Variants in NTM observed in about 807,000 individuals in gnomAD.
The protein encoded by NTM is neurotrimin, also known as IgLON family member 2.
A neutral mutation model predicts 42.1 loss-of-function variants in NTM; 13 were observed. That is an observed-to-expected ratio of 0.31 (90% CI 0.20 to 0.49). The LOEUF (loss-of-function observed/expected upper bound fraction) is 0.49, where lower values mean the gene tolerates loss of function less well. NTM is among the 20% of genes least tolerant of loss of function. The pLI is 0.99. For missense variants in NTM, 373 were observed against 452.8 expected (o/e 0.82, Z 1.60); for synonymous variants, 187 against 179.2 (o/e 1.04, Z -0.35).
chr11:131,903,554 GTT>G (rs2053457391), intron 1 of NTM, among the ~76,000 whole-genome samples: 1 of 152,194 alleles, frequency 6.6e-6, no homozygotes, highest in African/African-American at 2.4e-5. Flanking sequence ...TTGTACAACA[GTT>G]TTCAACATTC....
At chr11:132,134,721 A>C (rs1251635131) in intron 2 of NTM, among the ~76,000 whole-genome samples, 6 of 53,344 alleles carry the variant, frequency 1.1e-4, no homozygotes, top group African/African-American at 4.5e-4. Context: ...ATATATATAT[A>C]TATATATATA....
intron 1 of NTM, among the ~76,000 whole-genome samples, chr11:131,727,238 A>C (rs1450378407): frequency 6.9e-6 from 1 of 145,088 alleles, no homozygotes; most frequent in Non-Finnish European, 1.5e-5. Flanking sequence ...AAAAGCAACA[A>C]GTTTATATAG....
chr11:132,247,558 A>G (rs2139323232), intron 4 of NTM, among the ~76,000 whole-genome samples: 1 of 152,330 alleles, frequency 6.6e-6, no homozygotes, highest in Middle Eastern at 3.4e-3. Flanking sequence ...AAAAACATAT[A>G]ATGAAGTGCA....
At chr11:131,990,306 G>A (rs2066797691) in intron 2 of NTM, among the ~76,000 whole-genome samples, 1 of 152,126 alleles carries the variant, frequency 6.6e-6, no homozygotes, top group Non-Finnish European at 1.5e-5. Context: ...GTGTGTGGAT[G>A]ATGCCAGTAA....
At chr11:132,206,737 A>T (rs1292864754) in intron 3 of NTM, among the ~76,000 whole-genome samples, 1 of 152,130 alleles carries the variant, frequency 6.6e-6, no homozygotes, top group African/African-American at 2.4e-5. Flanking sequence ...CCCATTTGAA[A>T]CAGCTTCACT....
intron 1 of NTM, among the ~76,000 whole-genome samples, chr11:131,600,193 G>C (rs1031826874): frequency 6.6e-6 from 1 of 152,160 alleles, no homozygotes; most frequent in Non-Finnish European, 1.5e-5. Flanking sequence ...GGGTTGTAGG[G>C]AGACACCTTG....
intron 3 of NTM, among the ~76,000 whole-genome samples, chr11:132,160,879 A>G (rs906545981): frequency 6.6e-6 from 1 of 152,118 alleles, no homozygotes; most frequent in East Asian, 1.9e-4. Context: ...GCAGTGAGAG[A>G]AGGAGGAGGG....
At chr11:131,568,023 A>T (rs946388409) in intron 1 of NTM, among the ~76,000 whole-genome samples, 1 of 152,254 alleles carries the variant, frequency 6.6e-6, no homozygotes, top group Non-Finnish European at 1.5e-5. Flanking sequence ...CTGAAACCGC[A>T]TCATCAGCTG....
At chr11:131,522,157 C>T (rs1031709213) in intron 1 of NTM, among the ~76,000 whole-genome samples, 1 of 152,028 alleles carries the variant, frequency 6.6e-6, no homozygotes, top group Non-Finnish European at 1.5e-5. Context: ...TTGGGTCATC[C>T]GGGATCTCTT....
At chr11:131,802,323 A>G (rs536700887) in intron 1 of NTM, among the ~76,000 whole-genome samples, 2 of 151,822 alleles carry the variant, frequency 1.3e-5, no homozygotes, top group East Asian at 3.9e-4. Flanking sequence ...GCCTCTTTTC[A>G]TTTTACTTAG....
chr11:132,280,678 G>T (rs2093943358), intron 4 of NTM, among the ~76,000 whole-genome samples: 1 of 151,916 alleles, frequency 6.6e-6, no homozygotes, highest in South Asian at 2.1e-4. Flanking sequence ...TAGAGACAGG[G>T]TTTCACCATG....
rs546190358 is a variant in NTM, at chr11:131,766,582, C to G, written c.83-144982C>G. 1.1e-3 allele frequency among the ~76,000 whole-genome samples: 172 copies of G among 152,244 alleles called. 1 individual carries two copies. In the East Asian group the frequency reaches 0.017, roughly 15 times the overall value. ...CCAGGGGTCACACAGCAGGCCCCCC[C>G]CTTCTGCTGAGAATCTTTCATTTGT... On this transcript the variant is annotated intron_variant, in intron 1 of 8. Transcript: ENST00000683400.
chr11:131,481,930 C>T (rs1953644007), intron 1 of NTM, among the ~76,000 whole-genome samples: 1 of 152,228 alleles, frequency 6.6e-6, no homozygotes, highest in South Asian at 2.1e-4. Flanking sequence ...AATGAAAATG[C>T]TCATATATGG....
At chr11:132,119,952 A>G (rs1207357562) in intron 2 of NTM, among the ~76,000 whole-genome samples, 1 of 152,182 alleles carries the variant, frequency 6.6e-6, no homozygotes, top group Non-Finnish European at 1.5e-5. Context: ...TATAAAGAGT[A>G]TATGTTCTGG....
intron 2 of NTM, among the ~76,000 whole-genome samples, chr11:131,918,095 G>T (rs1030824665): frequency 1.3e-5 from 2 of 152,136 alleles, no homozygotes; most frequent in African/African-American, 4.8e-5. Context: ...CAGAGAGCTG[G>T]GAGGTCAACC....
intron 1 of NTM, among the ~76,000 whole-genome samples, chr11:131,694,204 C>A (rs1426635365): frequency 1.3e-5 from 2 of 152,148 alleles, no homozygotes; most frequent in African/African-American, 4.8e-5. Context: ...GTTAATGGTG[C>A]CTCGCATAGG....
At chr11:132,331,083 G>A (rs973728234) in intron 8 of NTM, among the ~76,000 whole-genome samples, 25 of 152,348 alleles carry the variant, frequency 1.6e-4, no homozygotes, top group African/African-American at 5.8e-4. Context: ...CTTTTAACCT[G>A]TACCCAGGTG....
rs963447328 is a variant in NTM, at chr11:131,845,533, G to C, written c.83-66031G>C. ...AAACCAGAATCTACATTTAACCAGA[G>C]AGCCGGGGGAACAATATGCATAAGC... On this transcript the variant is annotated intron_variant, in intron 1 of 8. Transcript: ENST00000683400. Among the ~76,000 whole-genome samples, 85 of 151,910 alleles carry C rather than the reference G, an allele frequency of 5.6e-4. 1 individual carries two copies. Among genetic ancestry groups the C allele is most frequent in the Non-Finnish European group, 4.4e-4 (30 of 68,008 alleles).
chr11:131,614,229 C>T (rs1378770371), intron 1 of NTM, among the ~76,000 whole-genome samples: 4 of 152,122 alleles, frequency 2.6e-5, no homozygotes, highest in African/African-American at 7.2e-5. Context: ...GGACCGTGAG[C>T]GCAGTGGACA....
Sources: allele counts gnomAD v4.1 joint callset (sites outside exome capture counted in the v4.1 genomes callset), GRCh38; gene constraint gnomAD v4.1.1; transcripts MANE v1.5; gene names NCBI Gene and HGNC (gene_info 2026-07-23, HGNC 2026-07-21).